Variants in SDK1 observed in about 807,000 individuals in gnomAD.
SDK1 encodes protein sidekick-1.
A neutral mutation model predicts 245.5 loss-of-function variants in SDK1; 157 were observed. The observed-to-expected ratio is 0.64, with a 90% CI of 0.56 to 0.73. The LOEUF is 0.73. Ranked by LOEUF, SDK1 falls within the 30% of genes least tolerant of loss-of-function variation. The probability of loss-of-function intolerance (pLI) is 0.00; values close to 1 mark genes in which losing one functional copy is unlikely to be tolerated. For missense variants in SDK1, 3,583 were observed against 3,002.3 expected (o/e 1.19, Z -4.52); for synonymous variants, 1,647 against 1,278.5 (o/e 1.29, Z -6.15).
chr7:4,002,494 G>A (rs557267868), intron 14 of SDK1, among the ~76,000 whole-genome samples: 1 of 152,280 alleles, frequency 6.6e-6, no homozygotes, highest in Admixed American at 6.5e-5. Context: ...CCAAAAACGT[G>A]AAAGTAATTA....
chr7:4,166,688 A>G (rs1365162120), intron 32 of SDK1, among the ~76,000 whole-genome samples: 1 of 152,242 alleles, frequency 6.6e-6, no homozygotes, highest in Non-Finnish European at 1.5e-5. Flanking sequence ...GGTTTCACTG[A>G]GCTTCCGGCC....
intron 44 of SDK1, among the ~76,000 whole-genome samples, chr7:4,261,789 C>A (rs969846873): frequency 3.3e-5 from 5 of 152,020 alleles, no homozygotes; most frequent in African/African-American, 1.2e-4. Context: ...TGCCTGACCC[C>A]TGTGAGAGAC....
At chr7:3,382,783 G>A (rs1220909664) in intron 1 of SDK1, among the ~76,000 whole-genome samples, 1 of 152,106 alleles carries the variant, frequency 6.6e-6, no homozygotes, top group Non-Finnish European at 1.5e-5. Context: ...AACATGAATA[G>A]TTTTTTGGGG....
In SDK1 at chr7:4,084,721, GTTATGTT is replaced by G. The variant is rs1211912709; in HGVS notation, c.3324+5138_3324+5144del. ...GTTATGTTATGTTATGTTATGTTAT[GTTATGTT>G]ATGTTGTTACTTAAATGTATATTTT... On this transcript the variant is annotated intron_variant, in intron 22 of 44. Transcript: ENST00000404826. Among the ~76,000 whole-genome samples the G allele has an allele frequency of 4.9e-4, 48 of 98,626 alleles. 1 individual carries two copies. In the South Asian group the frequency reaches 0.015, roughly 30 times the overall value. The allele number at this position is 98,626 out of a possible 152,430, so 64.7% of individuals were successfully genotyped here. A position where few individuals can be genotyped will look rare whatever the true frequency, so the allele number is the denominator to read the frequency against.
intron 4 of SDK1, among the ~76,000 whole-genome samples, chr7:3,677,932 A>G (rs536181732): frequency 2.2e-4 from 33 of 152,334 alleles, no homozygotes; most frequent in Middle Eastern, 3.4e-3. Flanking sequence ...AAGAACCCCT[A>G]CAACTCAACA....
intron 7 of SDK1, among the ~76,000 whole-genome samples, chr7:3,952,983 G>C (rs1021643941): frequency 6.6e-6 from 1 of 152,126 alleles, no homozygotes; most frequent in Non-Finnish European, 1.5e-5. Flanking sequence ...AGAGCAGCCT[G>C]TGTTCCGCAG....
At position 3,366,989 on chromosome 7, in the gene SDK1, C is replaced by G. The variant is rs547778924; in HGVS notation, c.298+65105C>G. ...TCTCCTGACCTCGTGATCCACCTGCCTCAGCCTCCCAAAGTGCTGGGATTA... is the reference window on the plus strand; with the variant it reads ...TCTCCTGACCTCGTGATCCACCTGCGTCAGCCTCCCAAAGTGCTGGGATTA... On this transcript the variant is annotated intron_variant, in intron 1 of 44. Transcript: ENST00000404826. Among the ~76,000 whole-genome samples, 144 of 152,218 alleles carry G rather than the reference C, an allele frequency of 9.5e-4. No individual in the cohort carries two copies. In the Middle Eastern group the frequency reaches 0.024, roughly 25 times the overall value.
At chr7:3,374,281 A>G (rs1781299834) in intron 1 of SDK1, among the ~76,000 whole-genome samples, 1 of 152,220 alleles carries the variant, frequency 6.6e-6, no homozygotes, top group Admixed American at 6.5e-5. Context: ...TCCACTTGGG[A>G]TATGTTCCTT....
intron 4 of SDK1, among the ~76,000 whole-genome samples, chr7:3,798,640 A>G (rs1021903666): frequency 6.6e-5 from 10 of 152,178 alleles, no homozygotes; most frequent in Middle Eastern, 3.4e-3. Context: ...CGTCAACATG[A>G]CTTGTCACTG....
chr7:4,000,759 A>G (rs1396722576), intron 14 of SDK1, among the ~76,000 whole-genome samples: 1 of 152,166 alleles, frequency 6.6e-6, no homozygotes. Flanking sequence ...CACCTCACAC[A>G]GGCGTTTTCT....
At chr7:3,536,086 T>G (rs1049477409) in intron 1 of SDK1, among the ~76,000 whole-genome samples, 2 of 151,754 alleles carry the variant, frequency 1.3e-5, no homozygotes, top group East Asian at 1.9e-4. Context: ...AGACGGAGTC[T>G]CACTCTGTCG....
chr7:4,002,008 C>T (rs948491134), intron 14 of SDK1, among the ~76,000 whole-genome samples: 2 of 152,366 alleles, frequency 1.3e-5, no homozygotes, highest in Middle Eastern at 3.4e-3. Context: ...TGCAGGAGTA[C>T]AGTCTGTTCT....
At chr7:3,672,067 A>T (rs1293460480) in intron 4 of SDK1, among the ~76,000 whole-genome samples, 7 of 152,104 alleles carry the variant, frequency 4.6e-5, no homozygotes, top group Non-Finnish European at 1.0e-4. Context: ...TATCCATGAT[A>T]TGGGACACAG....
chr7:3,818,445 A>G (rs1056688935), intron 4 of SDK1, among the ~76,000 whole-genome samples: 10 of 152,362 alleles, frequency 6.6e-5, no homozygotes, highest in Admixed American at 6.5e-4. Flanking sequence ...ATATTTTAAA[A>G]GGTAGAATCA....
At chr7:4,221,608 TA>T (rs1337954476) in intron 40 of SDK1, among the ~76,000 whole-genome samples, 1 of 152,174 alleles carries the variant, frequency 6.6e-6, no homozygotes, top group Non-Finnish European at 1.5e-5. Context: ...CCAGGACACT[TA>T]CTTAGGATGA....
intron 1 of SDK1, among the ~76,000 whole-genome samples, chr7:3,510,108 C>T (rs1030879908): frequency 6.6e-6 from 1 of 152,134 alleles, no homozygotes; most frequent in Non-Finnish European, 1.5e-5. Flanking sequence ...TCCTAAGCGT[C>T]GACCTTATCA....
At chr7:3,805,440 A>G (rs1221300737) in intron 4 of SDK1, among the ~76,000 whole-genome samples, 3 of 152,222 alleles carry the variant, frequency 2.0e-5, no homozygotes, top group Non-Finnish European at 4.4e-5. Context: ...TTCTTGTGAC[A>G]TGACGTAGTC....
At chr7:3,820,630 T>C (rs1779621786) in intron 4 of SDK1, among the ~76,000 whole-genome samples, 1 of 152,252 alleles carries the variant, frequency 6.6e-6, no homozygotes, top group South Asian at 2.1e-4. Context: ...AATGAGAGTC[T>C]TTCTATGGTA....
At chr7:3,342,614 C>G (rs10230321) in intron 1 of SDK1, among the ~76,000 whole-genome samples, 2 of 151,984 alleles carry the variant, frequency 1.3e-5, no homozygotes, top group Non-Finnish European at 2.9e-5. Context: ...AAAAGGAAGT[C>G]TTCAGAATCC....
Sources: allele counts gnomAD v4.1 joint callset (sites outside exome capture counted in the v4.1 genomes callset), GRCh38; gene constraint gnomAD v4.1.1; transcripts MANE v1.5; gene names NCBI Gene and HGNC (gene_info 2026-07-23, HGNC 2026-07-21).